EBF1: variants seen among roughly 807,000 people sequenced by gnomAD.
The protein encoded by EBF1 is EBF transcription factor 1, also known as transcription factor COE1.
A neutral mutation model predicts 68.4 loss-of-function variants in EBF1; 10 were observed. The ratio of observed to expected loss-of-function variants is 0.15; its 90% CI spans 0.09 to 0.25. The LOEUF is 0.25. Ranked by LOEUF, EBF1 falls within the 10% of genes least tolerant of loss-of-function variation. The probability of loss-of-function intolerance (pLI) is 1.00; values close to 1 mark genes in which losing one functional copy is unlikely to be tolerated. For synonymous variants in EBF1, 298 were observed against 299.8 expected, an observed-to-expected ratio of 0.99 and a Z score of 0.06; for missense variants, 509 against 794.4, an observed-to-expected ratio of 0.64 and a Z score of 4.32.
At chr5:158,769,446 C>T (rs1773449830) in intron 10 of EBF1, among the ~76,000 whole-genome samples, 1 of 152,126 alleles carries the variant, frequency 6.6e-6, no homozygotes, top group Non-Finnish European at 1.5e-5. Flanking sequence ...GTCCTGATTA[C>T]ACTCCACTCC....
chr5:159,000,849 T>C (rs1017977968), intron 6 of EBF1, among the ~76,000 whole-genome samples: 4 of 152,190 alleles, frequency 2.6e-5, no homozygotes, highest in South Asian at 2.1e-4. Flanking sequence ...TAGTGAAAGA[T>C]ATACCAATGT....
At chr5:158,922,875 T>C (rs1808747324) in intron 6 of EBF1, among the ~76,000 whole-genome samples, 1 of 152,258 alleles carries the variant, frequency 6.6e-6, no homozygotes, top group South Asian at 2.1e-4. Flanking sequence ...AACCACTCTC[T>C]GTCCAGGTGG....
chr5:158,758,218 A>G (rs966158520), intron 10 of EBF1, among the ~76,000 whole-genome samples: 3 of 152,212 alleles, frequency 2.0e-5, no homozygotes, highest in Non-Finnish European at 4.4e-5. Context: ...TGATCCATTC[A>G]TTTACTTAAC....
intron 10 of EBF1, among the ~76,000 whole-genome samples, chr5:158,745,029 C>T (rs1235142240): frequency 6.6e-6 from 1 of 152,136 alleles, no homozygotes; most frequent in Non-Finnish European, 1.5e-5. Flanking sequence ...TGCTCCGTCT[C>T]CTCGCCACAA....
chr5:158,874,811 C>T (rs1307124325), intron 6 of EBF1, among the ~76,000 whole-genome samples: 1 of 152,086 alleles, frequency 6.6e-6, no homozygotes, highest in Non-Finnish European at 1.5e-5. Flanking sequence ...TTTACACCTA[C>T]AGTAATATAA....
At chr5:159,050,694 G>A (rs1444104677) in intron 6 of EBF1, among the ~76,000 whole-genome samples, 1 of 152,168 alleles carries the variant, frequency 6.6e-6, no homozygotes, top group African/African-American at 2.4e-5. Context: ...ACTGACTCCT[G>A]CCTCCGTTCA....
intron 8 of EBF1, among the ~76,000 whole-genome samples, chr5:158,821,498 A>G (rs1784814850): frequency 6.6e-6 from 1 of 152,188 alleles, no homozygotes; most frequent in African/African-American, 2.4e-5. Flanking sequence ...GTGTGAACCC[A>G]GATTTCAAAC....
At chr5:158,747,884 A>T (rs969191891) in intron 10 of EBF1, among the ~76,000 whole-genome samples, 22 of 152,146 alleles carry the variant, frequency 1.4e-4, no homozygotes, top group Admixed American at 8.5e-4. Context: ...GACCCTTAGG[A>T]CGATAGAGGG....
At chr5:158,951,926 A>G (rs940694050) in intron 6 of EBF1, among the ~76,000 whole-genome samples, 1 of 152,192 alleles carries the variant, frequency 6.6e-6, no homozygotes, top group African/African-American at 2.4e-5. Flanking sequence ...CCCTTTAGTC[A>G]TCCCACCCAC....
rs1263581203 is a variant in EBF1, at chr5:158,697,160, T to C, written c.*1951A>G. 5.2e-6 allele frequency: 1 copy of C among 193,890 alleles called. No individual in the cohort carries two copies. Among genetic ancestry groups the C allele is most frequent in the Non-Finnish European group, 1.1e-5 (1 of 92,986 alleles). 12.0% of individuals were successfully genotyped at this position (193,890 alleles called of 1,614,324 possible). On this transcript the variant is annotated 3_prime_UTR_variant, in exon 16 of 16. Coordinates refer to ENST00000313708, the MANE Select transcript of EBF1 (RefSeq NM_024007.5). ...CGTCACTCCAAAGGGAGAGATTCCA[T>C]GCATATTAATAGAGTAAAACAGCAT... is the stretch of plus-strand genomic sequence containing the variant.
At chr5:159,083,563 G>A (rs1428720722) in intron 5 of EBF1, among the ~76,000 whole-genome samples, 1 of 152,208 alleles carries the variant, frequency 6.6e-6, no homozygotes. Context: ...ATACGTAACT[G>A]TAGACATACA....
At chr5:158,926,838 C>T (rs1199234146) in intron 6 of EBF1, among the ~76,000 whole-genome samples, 1 of 152,096 alleles carries the variant, frequency 6.6e-6, no homozygotes, top group Non-Finnish European at 1.5e-5. Flanking sequence ...AATAATAGCC[C>T]TCTTAATAAG....
intron 6 of EBF1, among the ~76,000 whole-genome samples, chr5:158,996,923 A>G (rs140086570): frequency 8.3e-4 from 126 of 152,296 alleles, no homozygotes; most frequent in Middle Eastern, 3.4e-3. Flanking sequence ...CAGTTCTTCA[A>G]TGTTCCTCTC....
intron 6 of EBF1, among the ~76,000 whole-genome samples, chr5:158,929,441 T>C (rs935314412): frequency 7.2e-5 from 11 of 152,190 alleles, no homozygotes; most frequent in Admixed American, 5.9e-4. Context: ...ATATTCCCTA[T>C]ACGAAGAAGT....
intron 8 of EBF1, among the ~76,000 whole-genome samples, chr5:158,816,769 T>C (rs1783833209): frequency 6.6e-6 from 1 of 151,846 alleles, no homozygotes; most frequent in Admixed American, 6.6e-5. Context: ...TACGAAAAAC[T>C]AAATCAATAA....
intron 6 of EBF1, among the ~76,000 whole-genome samples, chr5:158,948,306 G>A (rs1815263566): frequency 6.6e-6 from 1 of 152,002 alleles, no homozygotes. Context: ...CCAAAGGAGA[G>A]GAAGCTAGTT....
intron 6 of EBF1, among the ~76,000 whole-genome samples, chr5:159,020,945 C>T (rs1332473844): frequency 1.3e-5 from 2 of 152,208 alleles, no homozygotes; most frequent in Non-Finnish European, 2.9e-5. Context: ...ATACTTAATA[C>T]GGCAACCTAC....
intron 10 of EBF1, among the ~76,000 whole-genome samples, 172 bp downstream of exon 10, chr5:158,777,241 T>C (rs1462227360): frequency 6.6e-6 from 1 of 152,126 alleles, no homozygotes; most frequent in African/African-American, 2.4e-5. Context: ...GAAGAATTCT[T>C]AATACAATAA....
At chr5:158,900,392 C>T (rs1411504973) in intron 6 of EBF1, among the ~76,000 whole-genome samples, 1 of 152,148 alleles carries the variant, frequency 6.6e-6, no homozygotes, top group Non-Finnish European at 1.5e-5. Flanking sequence ...TTTTGATTAA[C>T]ACTAAAGGTA....
Sources: allele counts gnomAD v4.1 joint callset (sites outside exome capture counted in the v4.1 genomes callset), GRCh38; gene constraint gnomAD v4.1.1; transcripts MANE v1.5; gene names NCBI Gene and HGNC (gene_info 2026-07-23, HGNC 2026-07-21).